Variants in PARD3B observed in about 807,000 individuals in gnomAD.
PARD3B encodes the protein partitioning defective 3 homolog B.
PARD3B carries 103 observed loss-of-function variants against 130.2 expected under a neutral mutation model. That is an observed-to-expected ratio of 0.79 (90% CI 0.67 to 0.93). The LOEUF (loss-of-function observed/expected upper bound fraction) is 0.93. Ranked by LOEUF, PARD3B falls within the 40% of genes least tolerant of loss-of-function variation. The pLI is 0.00. For synonymous variants in PARD3B, 583 were observed against 553.2 expected (o/e 1.05, Z -0.76); for missense variants, 1,609 against 1,499.2 (o/e 1.07, Z -1.21).
At chr2:204,933,653 G>A (rs562083970) in intron 2 of PARD3B, among the ~76,000 whole-genome samples, 4 of 152,264 alleles carry the variant, frequency 2.6e-5, no homozygotes, top group African/African-American at 9.6e-5. Context: ...TTTATTGCAA[G>A]CTATCAGAGT....
At chr2:205,419,123 T>C (rs1233925206) in intron 19 of PARD3B, among the ~76,000 whole-genome samples, 1 of 152,076 alleles carries the variant, frequency 6.6e-6, no homozygotes, top group African/African-American at 2.4e-5. Context: ...CATCTTGAAT[T>C]GCAGCTCCCA....
At chr2:204,969,208 C>G (rs970367812) in intron 3 of PARD3B, among the ~76,000 whole-genome samples, 2 of 152,144 alleles carry the variant, frequency 1.3e-5, no homozygotes, top group Admixed American at 1.3e-4. Context: ...GAGAATTTTC[C>G]AAGTCTTCTC....
At chr2:205,524,933 GCCAGAAT>G (rs2051269629) in intron 21 of PARD3B, among the ~76,000 whole-genome samples, 1 of 152,140 alleles carries the variant, frequency 6.6e-6, no homozygotes, top group South Asian at 2.1e-4. Flanking sequence ...GGTCATTTCA[GCCAGAAT>G]CTGGGAGATC....
intron 21 of PARD3B, among the ~76,000 whole-genome samples, chr2:205,503,410 G>A (rs1160175222): frequency 6.6e-6 from 1 of 151,090 alleles, no homozygotes; most frequent in East Asian, 1.9e-4. Context: ...TTCATACTTT[G>A]TTCTTTTATT....
At chr2:204,619,696 C>G (rs942176771) in intron 1 of PARD3B, among the ~76,000 whole-genome samples, 1 of 152,048 alleles carries the variant, frequency 6.6e-6, no homozygotes, top group Non-Finnish European at 1.5e-5. Flanking sequence ...TGTTACCACA[C>G]CAGGCGTGCC....
chr2:205,219,876 G>A (rs571087867), intron 15 of PARD3B, among the ~76,000 whole-genome samples: 1 of 152,272 alleles, frequency 6.6e-6, no homozygotes, highest in African/African-American at 2.4e-5. Flanking sequence ...GAGCAGACAT[G>A]GTTTTCAGTA....
chr2:205,475,784 C>CA (rs1191339853), intron 20 of PARD3B, among the ~76,000 whole-genome samples: 2 of 152,178 alleles, frequency 1.3e-5, no homozygotes, highest in East Asian at 1.9e-4. Context: ...GATAGGCATA[C>CA]TGTTTGCTTC....
chr2:204,655,118 C>A (rs1402174988), intron 1 of PARD3B, among the ~76,000 whole-genome samples: 2 of 152,200 alleles, frequency 1.3e-5, no homozygotes, highest in Non-Finnish European at 2.9e-5. Flanking sequence ...GTCATCATTT[C>A]ATTGGCTGCA....
In PARD3B at chr2:204,677,506, G is replaced by A. The variant is rs1195072117; in HGVS notation, c.121-8675G>A. Among the ~76,000 whole-genome samples, 6 of 152,188 alleles carry A rather than the reference G, an allele frequency of 3.9e-5. No individual in the cohort carries two copies. Among genetic ancestry groups the A allele is most frequent in the Non-Finnish European group, 7.3e-5 (5 of 68,036 alleles). The stretch of plus-strand genomic sequence containing the variant: ...AATTAATTCAGCTCACTCATCATAA[G>A]ATGTATTTCCATCTCCTTAACCTTT... On this transcript the variant is annotated intron_variant, in intron 1 of 22. Coordinates refer to ENST00000406610, the MANE Select transcript of PARD3B (RefSeq NM_001302769.2). The surrounding 1 kb of genome is among the most constrained non-coding windows in gnomAD (Gnocchi z 4.1).
chr2:204,651,238 T>C (rs1187907703), intron 1 of PARD3B, among the ~76,000 whole-genome samples: 2 of 152,216 alleles, frequency 1.3e-5, no homozygotes, highest in South Asian at 4.1e-4. Flanking sequence ...GACAAGTCCC[T>C]TCCATCTATA....
intron 21 of PARD3B, among the ~76,000 whole-genome samples, chr2:205,511,349 C>CA (rs1330539690): frequency 6.6e-6 from 1 of 152,036 alleles, no homozygotes; most frequent in African/African-American, 2.4e-5. Flanking sequence ...CATAGTATGT[C>CA]AAAAAACCCT....
At chr2:205,393,671 G>A (rs1345548204) in intron 18 of PARD3B, among the ~76,000 whole-genome samples, 1 of 152,146 alleles carries the variant, frequency 6.6e-6, no homozygotes, top group Non-Finnish European at 1.5e-5. Context: ...CTTTTGTATA[G>A]TGTGTGCACT....
At chr2:204,547,971 T>C (rs1262044199) in intron 1 of PARD3B, among the ~76,000 whole-genome samples, 1 of 152,200 alleles carries the variant, frequency 6.6e-6, no homozygotes, top group Non-Finnish European at 1.5e-5. Context: ...CATTTATATA[T>C]TAGTGAATGT....
chr2:205,277,408 G>T (rs1325735986), intron 16 of PARD3B, among the ~76,000 whole-genome samples: 1 of 152,136 alleles, frequency 6.6e-6, no homozygotes, highest in Non-Finnish European at 1.5e-5. Flanking sequence ...TGTGAATACT[G>T]TACAGTATAG....
At chr2:205,368,257 G>C (rs182566551) in intron 18 of PARD3B, among the ~76,000 whole-genome samples, 1 of 152,204 alleles carries the variant, frequency 6.6e-6, no homozygotes, top group African/African-American at 2.4e-5. Context: ...AATGACAAAG[G>C]ATTTTGTATT....
intron 15 of PARD3B, among the ~76,000 whole-genome samples, chr2:205,213,447 T>C (rs1207896202): frequency 6.6e-6 from 1 of 152,148 alleles, no homozygotes; most frequent in East Asian, 1.9e-4. Flanking sequence ...CATGTGTAGG[T>C]GCCCACTAAA....
chr2:205,525,643 A>G lies in PARD3B; in HGVS notation c.3180+25612A>G, dbSNP rs1188369903. 2.0e-5 allele frequency among the ~76,000 whole-genome samples: 3 copies of G among 152,180 alleles called. No homozygotes were observed. The highest frequency in any genetic ancestry group is 2.9e-5 in the Non-Finnish European group (2 of 68,030). The stretch of plus-strand genomic sequence containing the variant: ...CTAATAACAGAATCATATTTATAAT[A>G]CAGTAGGAAATTCTCTCTGCAGGTT... On this transcript the variant is annotated intron_variant, in intron 21 of 22. Transcript: ENST00000406610. The surrounding 1 kb of genome is among the most constrained non-coding windows in gnomAD (Gnocchi z 4.2).
intron 10 of PARD3B, among the ~76,000 whole-genome samples, chr2:205,156,187 T>C (rs2125707022): frequency 7.1e-6 from 1 of 140,120 alleles, no homozygotes; most frequent in South Asian, 2.2e-4. Flanking sequence ...CCACATGTTC[T>C]CACTCATAGG....
At chr2:205,542,992 C>T (rs1307240746) in intron 21 of PARD3B, among the ~76,000 whole-genome samples, 2 of 152,186 alleles carry the variant, frequency 1.3e-5, no homozygotes, top group Non-Finnish European at 2.9e-5. Flanking sequence ...TCTGATTTAA[C>T]AGGTTTGGAC....
Sources: allele counts gnomAD v4.1 joint callset (sites outside exome capture counted in the v4.1 genomes callset), GRCh38; gene constraint gnomAD v4.1.1; non-coding constraint Gnocchi (gnomAD v3.1); transcripts MANE v1.5; gene names NCBI Gene and HGNC (gene_info 2026-07-23, HGNC 2026-07-21).